Variants in KANSL3 observed in about 807,000 individuals in gnomAD.
The protein encoded by KANSL3 is KAT8 regulatory NSL complex subunit 3.
Under a neutral mutation model 89.2 loss-of-function variants are expected in KANSL3, and 16 were observed. That is an observed-to-expected ratio of 0.18 (90% CI 0.12 to 0.27). KANSL3 has a LOEUF of 0.27. Among genes scored for constraint, KANSL3 ranks in the 10% least tolerant of loss-of-function variants. KANSL3 has a pLI of 1.00. For missense variants in KANSL3, 879 were observed against 1,110.6 expected, an observed-to-expected ratio of 0.79 and a Z score of 2.96; for synonymous variants, 385 against 419.7, an observed-to-expected ratio of 0.92 and a Z score of 1.01.
intron 14 of KANSL3, chr2:96,606,917 G>A: frequency 1.0e-6 from 1 of 982,930 alleles, no homozygotes; most frequent in South Asian, 1.3e-5. Context: ...AATAAATAAG[G>A]GGTTGAGGAG....
At chr2:96,603,293 T>A (rs1020223560) in intron 17 of KANSL3, 1 of 155,820 alleles carries the variant, frequency 6.4e-6, no homozygotes, top group African/African-American at 2.4e-5. Flanking sequence ...TTATTTTATT[T>A]TTTTTTGAGA....
In KANSL3 at chr2:96,619,429, G is replaced by T. The variant is rs752425102; in HGVS notation, c.593C>A (p.Thr198Asn). The T allele has an allele frequency of 1.9e-6, 3 of 1,613,892 alleles. No homozygotes were observed. ...GGGCAGACTCAAGGTCTCCACAAGG[G>T]TGGTGTGCAGCCACTGGATCAGCTT... ...DTKLIQWLHT[T>N]LVETLSLPML... The change falls in exon 5 of 21, where the codon ACC becomes AAC. Residue 198 changes from threonine to asparagine, a missense_variant. Transcript: ENST00000431828.
chr2:96,619,520 G>A lies in KANSL3; in HGVS notation c.502C>T (p.Arg168Cys), dbSNP rs2070845219. Residue 168 changes from arginine to cysteine, a missense_variant, in exon 5 of 21, where the codon CGT (arginine) becomes TGT (cysteine). By Grantham distance (180) the Arg-to-Cys change is radical. This residue lies in a region of KANSL3 where 210 missense variants were observed against 311.9 expected (regional missense o/e 0.67). Coordinates refer to ENST00000431828, the MANE Select transcript of KANSL3 (RefSeq NM_001115016.3). ...EGACNEPVLR[R>C]VAVDKCARRV... The stretch of plus-strand genomic sequence containing the variant: ...CTTGCACACTTGTCCACAGCAACAC[G>A]GCGCAGCACTGGCTCATTACAAGCC... 6.2e-7 allele frequency: 1 copy of A among 1,613,774 alleles called. No individual in the cohort carries two copies. Among genetic ancestry groups the A allele is most frequent in the African/African-American group, 1.3e-5 (1 of 74,928 alleles).
At chr2:96,591,268 T>C (rs2066269704), downstream of KANSL3, among the ~76,000 whole-genome samples, 2 of 152,210 alleles carry the variant, frequency 1.3e-5, no homozygotes, top group Non-Finnish European at 2.9e-5. Flanking sequence ...TGTAAGATTC[T>C]ATTTATACAT....
Position 96,612,486 on chromosome 2 carries a change from C to T in KANSL3, c.990G>A (p.Gly330=). 6.2e-7 allele frequency: 1 copy of T among 1,613,896 alleles called. No individual in the cohort carries two copies. The highest frequency in any genetic ancestry group is 8.5e-7 in the Non-Finnish European group (1 of 1,179,836). The change falls in exon 8 of 21, where the codon GGG becomes GGA. Residue 330 remains glycine (G), a synonymous_variant. Transcript: ENST00000431828. ...GVLQCLEHMI[G]AVRSKVLEIH... ...CCTCCAGCACTTTGCTTCTCACTGC[C>T]CCAATCATATGCTCGAGACACTGTA... is the stretch of plus-strand genomic sequence containing the variant.
intron 20 of KANSL3, among the ~76,000 whole-genome samples, chr2:96,596,922 GTC>G (rs2066594922): frequency 1.3e-5 from 2 of 152,200 alleles, no homozygotes; most frequent in Admixed American, 1.3e-4. Flanking sequence ...GCACAACATA[GTC>G]TCTGTCTGTC....
chr2:96,591,144 G>T (rs190387572), downstream of KANSL3, among the ~76,000 whole-genome samples: 17 of 152,298 alleles, frequency 1.1e-4, no homozygotes, highest in Non-Finnish European at 5.9e-5. Context: ...CCCATACCAT[G>T]AAATACCACT....
chr2:96,599,105 G>A lies in KANSL3; in HGVS notation c.2616+2538C>T, dbSNP rs543166879. Among the ~76,000 whole-genome samples, 91 of 152,130 alleles carry A rather than the reference G, an allele frequency of 6.0e-4. 1 individual carries two copies. The South Asian group carries it at 0.01, about 17-fold the overall frequency. On this transcript the variant is annotated intron_variant, in intron 20 of 20. Transcript: ENST00000431828. Reference sequence around the variant, plus strand: ...TATCAACCCATAACAGAAGGCCAGCGTAGGATAGACAAATTCAAAACTACA... The same window carrying A: ...TATCAACCCATAACAGAAGGCCAGCATAGGATAGACAAATTCAAAACTACA...
chr2:96,629,643 C>T (rs1357329013), intron 3 of KANSL3, among the ~76,000 whole-genome samples: 2 of 152,136 alleles, frequency 1.3e-5, no homozygotes, highest in African/African-American at 4.8e-5. Flanking sequence ...AATTCCAATG[C>T]AAGACCCCAA....
At chr2:96,601,846 T>C (rs2105028081) in intron 19 of KANSL3, 70 bp from the exon 20 acceptor site, 1 of 1,479,476 alleles carries the variant, frequency 6.8e-7, no homozygotes, top group East Asian at 2.4e-5. Flanking sequence ...TTTCCTTTCC[T>C]GGAGAGCTTC....
Position 96,610,714 on chromosome 2 carries a change from G to A in KANSL3, c.1319+12C>T, listed in dbSNP as rs1330965493. On this transcript the variant is annotated intron_variant, in intron 11 of 20. Coordinates refer to ENST00000431828, the MANE Select transcript of KANSL3 (RefSeq NM_001115016.3). ...ACACAGCTCTCTTGCAGCTCTGGGA[G>A]AATCCACCCACCTGAGATTGTCATC... is the stretch of plus-strand genomic sequence containing the variant. 2 of 1,613,410 alleles carry A rather than the reference G, an allele frequency of 1.2e-6. No homozygotes were observed. Among genetic ancestry groups the A allele is most frequent in the Admixed American group, 3.3e-5 (2 of 60,006 alleles).
intron 20 of KANSL3, among the ~76,000 whole-genome samples, chr2:96,596,848 G>A (rs1011040965): frequency 1.3e-5 from 2 of 152,232 alleles, no homozygotes; most frequent in Non-Finnish European, 2.9e-5. Context: ...TGGCCAGCAG[G>A]ACAGAGAGGA....
chr2:96,604,384 G>C lies in KANSL3; in HGVS notation c.2019-4C>G. On this transcript the variant is annotated splice_polypyrimidine_tract_variant and splice_region_variant and intron_variant, in intron 16 of 20. Coordinates refer to ENST00000431828, the MANE Select transcript of KANSL3 (RefSeq NM_001115016.3). Reference sequence around the variant, plus strand: ...TCCACCTTCAGAAGAACTGGACCTGGAGACAAAGGAAGGAGCTCTGTTATC... The same window carrying C: ...TCCACCTTCAGAAGAACTGGACCTGCAGACAAAGGAAGGAGCTCTGTTATC... 1 of 1,609,504 alleles carries C rather than the reference G, an allele frequency of 6.2e-7. No homozygotes were observed.
the KANSL3 span, among the ~76,000 whole-genome samples, chr2:96,587,644 C>T: frequency 4.6e-5 from 7 of 152,132 alleles, no homozygotes; most frequent in Non-Finnish European, 8.8e-5. Flanking sequence ...TATCAAGAAC[C>T]AAGAAATTCT....
At chr2:96,588,366 CAG>C (rs1246296916), downstream of KANSL3, among the ~76,000 whole-genome samples, 1 of 152,186 alleles carries the variant, frequency 6.6e-6, no homozygotes, top group Non-Finnish European at 1.5e-5. Context: ...GTGGTCAACA[CAG>C]AATTTATCTA....
intron 20 of KANSL3, among the ~76,000 whole-genome samples, chr2:96,597,662 G>A (rs1056657463): frequency 1.3e-5 from 2 of 151,996 alleles, no homozygotes; most frequent in African/African-American, 4.8e-5. Flanking sequence ...GAGTGCAATG[G>A]TACAATCTCA....
chr2:96,602,981 C>A, intron 17 of KANSL3, 119 bp from the exon 18 acceptor site: 1 of 841,748 alleles, frequency 1.2e-6, no homozygotes, highest in Non-Finnish European at 1.9e-6. Flanking sequence ...CCCTTGGACA[C>A]CCGTCCTCAG....
downstream of KANSL3, among the ~76,000 whole-genome samples, chr2:96,592,856 A>C (rs1458291048): frequency 6.6e-6 from 1 of 152,032 alleles, no homozygotes; most frequent in African/African-American, 2.4e-5. Context: ...ACAAAAAATT[A>C]GCTGGGCGTG....
At chr2:96,629,001 C>T (rs1212970479) in intron 3 of KANSL3, among the ~76,000 whole-genome samples, 9 of 152,160 alleles carry the variant, frequency 5.9e-5, no homozygotes, top group Non-Finnish European at 1.2e-4. Flanking sequence ...CCTTCTCCAT[C>T]ACTTCCTAAT....
Sources: gnomAD v4.1 joint callset for allele counts (sites outside exome capture counted in the v4.1 genomes callset) on GRCh38, gnomAD v4.1.1 for gene constraint, gnomAD v4.1.1 regional missense constraint, MANE v1.5 for transcripts, NCBI Gene and HGNC (gene_info 2026-07-23, HGNC 2026-07-21) for gene names.